Variants in GLT1D1 observed in about 807,000 individuals in gnomAD.
GLT1D1 encodes glycosyltransferase 1 domain-containing protein 1.
GLT1D1 carries 21 observed loss-of-function variants against 28.7 expected under a neutral mutation model. The ratio of observed to expected loss-of-function variants is 0.73; its 90% CI spans 0.52 to 1.05. GLT1D1 has a LOEUF of 1.05. Among genes scored for constraint, GLT1D1 ranks in the 50% least tolerant of loss-of-function variants. The pLI, the probability that GLT1D1 is intolerant of heterozygous loss-of-function variation, is 0.00. For missense variants in GLT1D1, 343 were observed against 330.6 expected, an observed-to-expected ratio of 1.04 and a Z score of -0.29; for synonymous variants, 147 against 124.8, an observed-to-expected ratio of 1.18 and a Z score of -1.19.
At chr12:128,864,102 A>T (rs1956454432) in intron 1 of GLT1D1, 1 of 659,264 alleles carries the variant, frequency 1.5e-6, no homozygotes, top group South Asian at 1.6e-5. Context: ...TGCACGTGGA[A>T]TGCTGGCTGA....
At chr12:128,907,698 T>C (rs1387995109) in intron 4 of GLT1D1, among the ~76,000 whole-genome samples, 1 of 152,206 alleles carries the variant, frequency 6.6e-6, no homozygotes, top group East Asian at 1.9e-4. Context: ...GTGGGTTTTT[T>C]TGTTTGTTTG....
At chr12:128,957,297 A>C (rs1877404839) in intron 6 of GLT1D1, among the ~76,000 whole-genome samples, 1 of 152,180 alleles carries the variant, frequency 6.6e-6, no homozygotes, top group South Asian at 2.1e-4. Context: ...CACTGCAATA[A>C]TTATGTCAGA....
chr12:128,957,033 C>T (rs1213641294), intron 6 of GLT1D1, among the ~76,000 whole-genome samples: 1 of 152,212 alleles, frequency 6.6e-6, no homozygotes, highest in Non-Finnish European at 1.5e-5. Context: ...GGGCATCAGG[C>T]ACATATCTCC....
At chr12:128,936,848 CAT>C (rs1350264224) in intron 4 of GLT1D1, among the ~76,000 whole-genome samples, 14 of 152,150 alleles carry the variant, frequency 9.2e-5, no homozygotes, top group Non-Finnish European at 5.9e-5. Flanking sequence ...AATTTCATGA[CAT>C]GTGCTTTCAT....
At chr12:128,920,834 T>A (rs150393169) in intron 4 of GLT1D1, among the ~76,000 whole-genome samples, 4 of 152,328 alleles carry the variant, frequency 2.6e-5, no homozygotes, top group Non-Finnish European at 2.9e-5. Flanking sequence ...GACTCATGGA[T>A]AACCTAGATA....
At chr12:128,877,232 A>G (rs1031756217) in intron 2 of GLT1D1, among the ~76,000 whole-genome samples, 1 of 152,228 alleles carries the variant, frequency 6.6e-6, no homozygotes, top group Non-Finnish European at 1.5e-5. Context: ...TTCCTCAAAC[A>G]TGAATTAAAT....
intron 1 of GLT1D1, among the ~76,000 whole-genome samples, chr12:128,860,156 T>C (rs1255623193): frequency 6.6e-6 from 1 of 152,208 alleles, no homozygotes; most frequent in Non-Finnish European, 1.5e-5. Context: ...ATTTGTTCAT[T>C]AGCATAAAGC....
At chr12:128,912,058 C>A (rs184638681) in intron 4 of GLT1D1, among the ~76,000 whole-genome samples, 1 of 152,244 alleles carries the variant, frequency 6.6e-6, no homozygotes, top group South Asian at 2.1e-4. Context: ...TCCACCTCCA[C>A]GCAGGGGCGG....
intron 6 of GLT1D1, among the ~76,000 whole-genome samples, chr12:128,950,677 T>C (rs1259851096): frequency 6.6e-6 from 1 of 152,226 alleles, no homozygotes; most frequent in Non-Finnish European, 1.5e-5. Context: ...ATGACTGTTC[T>C]GCAGGGTAGA....
At chr12:128,884,356 T>C (rs980372858) in intron 2 of GLT1D1, among the ~76,000 whole-genome samples, 31 of 152,178 alleles carry the variant, frequency 2.0e-4, no homozygotes, top group African/African-American at 6.5e-4. Context: ...GTCAAATTCA[T>C]AGAAGCAGAG....
intron 4 of GLT1D1, among the ~76,000 whole-genome samples, chr12:128,924,748 A>ACAGAGAT (rs1442076569): frequency 6.6e-6 from 1 of 152,170 alleles, no homozygotes; most frequent in Non-Finnish European, 1.5e-5. Flanking sequence ...AAGAATGAGA[A>ACAGAGAT]CAGAGATCGC....
At chr12:128,967,847 C>A (rs929355259) in intron 7 of GLT1D1, among the ~76,000 whole-genome samples, 3 of 152,212 alleles carry the variant, frequency 2.0e-5, no homozygotes, top group Non-Finnish European at 2.9e-5. Context: ...AAGCACCAGC[C>A]CGTGCACAGC....
At position 128,899,179 on chromosome 12, in the gene GLT1D1, A is replaced by G. The variant is rs192957423; in HGVS notation, c.324-57A>G. 4,108 of 1,283,548 alleles carry G rather than the reference A, an allele frequency of 3.2e-3. 11 individuals carry two copies. The highest frequency in any genetic ancestry group is 8.7e-3 in the Middle Eastern group (39 of 4,470). 79.5% of individuals were successfully genotyped at this position (1,283,548 alleles called of 1,614,324 possible). A position where few individuals can be genotyped will look rare whatever the true frequency, so the allele number is the denominator to read the frequency against. ...AATTTGTTCCAAAGAGCTGTTTCAT[A>G]GTTCTTTTAATTGAATTCTGGCCTA... is the stretch of plus-strand genomic sequence containing the variant. On this transcript the variant is annotated intron_variant, in intron 3 of 7. Coordinates refer to ENST00000281703, the MANE Select transcript of GLT1D1 (RefSeq NM_144669.3).
At chr12:128,956,504 T>C (rs537849280) in intron 6 of GLT1D1, among the ~76,000 whole-genome samples, 1 of 152,304 alleles carries the variant, frequency 6.6e-6, no homozygotes, top group South Asian at 2.1e-4. Flanking sequence ...TCAGAGACCA[T>C]CTGTATCCTG....
At chr12:128,886,219 C>T (rs1868375688) in intron 2 of GLT1D1, among the ~76,000 whole-genome samples, 1 of 152,134 alleles carries the variant, frequency 6.6e-6, no homozygotes, top group South Asian at 2.1e-4. Flanking sequence ...CAGACATATC[C>T]AATTGCCATG....
At chr12:128,923,741 C>T (rs1566137065) in intron 4 of GLT1D1, among the ~76,000 whole-genome samples, 1 of 151,850 alleles carries the variant, frequency 6.6e-6, no homozygotes, top group Admixed American at 6.6e-5. Flanking sequence ...AGGCTGGTCT[C>T]GAACTCCTGA....
chr12:128,914,197 A>G (rs563272597), intron 4 of GLT1D1, among the ~76,000 whole-genome samples: 1 of 152,278 alleles, frequency 6.6e-6, no homozygotes, highest in East Asian at 1.9e-4. Context: ...TCTCTGAAGA[A>G]GTAATAGCCA....
chr12:128,886,754 A>T (rs901429421), intron 2 of GLT1D1, among the ~76,000 whole-genome samples: 1 of 151,552 alleles, frequency 6.6e-6, no homozygotes, highest in Non-Finnish European at 1.5e-5. Context: ...TCCCAGCCTC[A>T]TGGGTCCTGG....
intron 4 of GLT1D1, among the ~76,000 whole-genome samples, chr12:128,900,790 C>A (rs977302769): frequency 7.2e-5 from 11 of 152,096 alleles, no homozygotes; most frequent in African/African-American, 2.2e-4. Context: ...CATGTGCCAC[C>A]ACACCCGGCT....
Sources: gnomAD v4.1 joint callset for allele counts (sites outside exome capture counted in the v4.1 genomes callset) on GRCh38, gnomAD v4.1.1 for gene constraint, MANE v1.5 for transcripts, NCBI Gene and HGNC (gene_info 2026-07-23, HGNC 2026-07-21) for gene names.